The following SLC22A3 variants were observed in gnomAD, a reference collection of about 807,000 sequenced individuals.
The protein encoded by SLC22A3 is EMT organic cation transporter 3.
SLC22A3 carries 51 observed loss-of-function variants against 59.1 expected under a neutral mutation model. The observed-to-expected ratio is 0.86, with a 90% CI of 0.69 to 1.09. SLC22A3 has a LOEUF of 1.09. Among genes scored for constraint, SLC22A3 ranks in the 50% least tolerant of loss-of-function variants. The pLI, the probability that SLC22A3 is intolerant of heterozygous loss-of-function variation, is 0.00. For synonymous variants in SLC22A3, 325 were observed against 292.0 expected (o/e 1.11, Z -1.15); for missense variants, 711 against 726.3 (o/e 0.98, Z 0.24).
intron 5 of SLC22A3, among the ~76,000 whole-genome samples, chr6:160,436,102 C>T (rs1788325204): frequency 1.3e-5 from 2 of 152,146 alleles, no homozygotes; most frequent in South Asian, 4.1e-4. Context: ...CTGACAAGCA[C>T]AGGAAACTGG....
chr6:160,401,881 A>C (rs1472887076), intron 2 of SLC22A3, among the ~76,000 whole-genome samples: 1 of 151,986 alleles, frequency 6.6e-6, no homozygotes, highest in Non-Finnish European at 1.5e-5. Context: ...CATGACTGAT[A>C]TGCTAAAATG....
intron 5 of SLC22A3, among the ~76,000 whole-genome samples, chr6:160,423,346 C>T (rs1403655029): frequency 6.6e-6 from 1 of 152,150 alleles, no homozygotes; most frequent in Non-Finnish European, 1.5e-5. Context: ...GGTATATACC[C>T]AGTAATGGGA....
chr6:160,391,804 C>T (rs889582540), intron 1 of SLC22A3, among the ~76,000 whole-genome samples: 2 of 152,112 alleles, frequency 1.3e-5, no homozygotes, highest in African/African-American at 4.8e-5. Flanking sequence ...GATGAGTCAC[C>T]AAGGGCAGAA....
chr6:160,423,252 T>C (rs1787818961), intron 5 of SLC22A3, among the ~76,000 whole-genome samples: 1 of 152,212 alleles, frequency 6.6e-6, no homozygotes. Context: ...TTGGGTTGGT[T>C]CCAAGTCTTT....
In SLC22A3 at chr6:160,443,684, C is replaced by T; in HGVS notation, c.1452C>T (p.Ala484=). The T allele has an allele frequency of 5.6e-6, 9 of 1,613,874 alleles. No individual in the cohort carries two copies. Among genetic ancestry groups the T allele is most frequent in the Non-Finnish European group, 7.6e-6 (9 of 1,179,898 alleles). ...SGLCDFGGII[A]PFLLFRLAAV... is the part of the protein sequence containing the mutation. The stretch of plus-strand genomic sequence containing the variant: ...TGTGTGATTTTGGGGGAATCATAGC[C>T]CCATTTCTGCTCTTTCGGCTAGCAG... Residue 484 remains alanine (A), a synonymous_variant, in exon 9 of 11, where the codon GCC becomes GCT. Transcript: ENST00000275300.
intron 1 of SLC22A3, among the ~76,000 whole-genome samples, chr6:160,373,324 T>G (rs578096393): frequency 6.6e-6 from 1 of 152,318 alleles, no homozygotes; most frequent in Non-Finnish European, 1.5e-5. Context: ...TGCCTGGGTA[T>G]CACCAGTGGA....
At chr6:160,372,372 G>T (rs1436961983) in intron 1 of SLC22A3, among the ~76,000 whole-genome samples, 1 of 152,092 alleles carries the variant, frequency 6.6e-6, no homozygotes, top group Non-Finnish European at 1.5e-5. Context: ...ATCCACTGTT[G>T]GTCTGATGGA....
At chr6:160,360,146 C>T (rs973123514) in intron 1 of SLC22A3, among the ~76,000 whole-genome samples, 1 of 152,042 alleles carries the variant, frequency 6.6e-6, no homozygotes, top group Non-Finnish European at 1.5e-5. Flanking sequence ...AACCATATAA[C>T]CTGTCAAAGT....
chr6:160,430,861 T>C (rs573221785), intron 5 of SLC22A3, among the ~76,000 whole-genome samples: 1 of 152,330 alleles, frequency 6.6e-6, no homozygotes, highest in Non-Finnish European at 1.5e-5. Context: ...CTGTTGATTC[T>C]GTTTCTATGA....
At chr6:160,365,176 C>T (rs1328592697) in intron 1 of SLC22A3, among the ~76,000 whole-genome samples, 2 of 152,092 alleles carry the variant, frequency 1.3e-5, no homozygotes, top group African/African-American at 4.8e-5. Context: ...TAGCTAGATA[C>T]ATTCCAGGTG....
chr6:160,383,623 G>A (rs1196444478), intron 1 of SLC22A3, among the ~76,000 whole-genome samples: 2 of 151,978 alleles, frequency 1.3e-5, no homozygotes, highest in African/African-American at 4.8e-5. Context: ...AAAAAGAAAT[G>A]GATAAAACGC....
At chr6:160,439,435 T>C (rs1788466306) in intron 7 of SLC22A3, among the ~76,000 whole-genome samples, 1 of 152,082 alleles carries the variant, frequency 6.6e-6, no homozygotes. Flanking sequence ...TATATATACT[T>C]TACTCTATAA....
chr6:160,440,615 T>C (rs558111648), intron 7 of SLC22A3, among the ~76,000 whole-genome samples: 1 of 152,356 alleles, frequency 6.6e-6, no homozygotes, highest in African/African-American at 2.4e-5. Context: ...AAGATGTCTA[T>C]GGCCACCTCA....
intron 1 of SLC22A3, among the ~76,000 whole-genome samples, chr6:160,397,526 G>A (rs144402575): frequency 4.7e-4 from 72 of 152,142 alleles, no homozygotes; most frequent in Admixed American, 2.9e-3. Context: ...ACGAGGTCAA[G>A]AGATCGAGAC....
At chr6:160,376,162 A>G (rs1785583224) in intron 1 of SLC22A3, among the ~76,000 whole-genome samples, 1 of 152,240 alleles carries the variant, frequency 6.6e-6, no homozygotes, top group Admixed American at 6.5e-5. Context: ...CTATGCAGCC[A>G]TAAAAAGGAA....
chr6:160,438,293 C>T (rs1311889307), intron 7 of SLC22A3, among the ~76,000 whole-genome samples: 1 of 152,112 alleles, frequency 6.6e-6, no homozygotes, highest in East Asian at 1.9e-4. Flanking sequence ...CTTCACATCC[C>T]AGGGGATGTG....
At chr6:160,413,149 G>C (rs1399240836) in intron 5 of SLC22A3, among the ~76,000 whole-genome samples, 2 of 152,200 alleles carry the variant, frequency 1.3e-5, no homozygotes, top group African/African-American at 4.8e-5. Context: ...CATGTGTGAT[G>C]ATAGTGAGTA....
intron 9 of SLC22A3, among the ~76,000 whole-genome samples, chr6:160,444,501 C>T (rs1788672728): frequency 6.6e-6 from 1 of 152,152 alleles, no homozygotes; most frequent in Non-Finnish European, 1.5e-5. Flanking sequence ...CCCGGGCACA[C>T]ATTCCATCAC....
At position 160,406,890 on chromosome 6, in the gene SLC22A3, G is replaced by T. The variant is rs962846281; in HGVS notation, c.534-151G>T. 3 of 909,948 alleles carry T rather than the reference G, an allele frequency of 3.3e-6. No individual in the cohort carries two copies. The African/African-American group carries it at 5.2e-5, about 16-fold the overall frequency. The allele number at this position is 909,948 out of a possible 1,614,324, so 56.4% of individuals were successfully genotyped here. On this transcript the variant is annotated intron_variant, in intron 2 of 10. Transcript: ENST00000275300. Reference sequence around the variant, plus strand: ...TTGTAATTCCAGCCTAGGCAACATAGGGACACCCTGTCTCTACAAAACATC... The same window carrying T: ...TTGTAATTCCAGCCTAGGCAACATATGGACACCCTGTCTCTACAAAACATC...
Sources: gnomAD v4.1 joint callset for allele counts (sites outside exome capture counted in the v4.1 genomes callset) on GRCh38, gnomAD v4.1.1 for gene constraint, MANE v1.5 for transcripts, NCBI Gene and HGNC (gene_info 2026-07-23, HGNC 2026-07-21) for gene names.